The following ATP10B variants were observed in gnomAD, a reference collection of about 807,000 sequenced individuals.
The protein encoded by ATP10B is phospholipid-transporting ATPase VB.
ATP10B carries 122 observed loss-of-function variants against 141.2 expected under a neutral mutation model. The ratio of observed to expected loss-of-function variants is 0.86; its 90% confidence interval spans 0.75 to 1.00. ATP10B has a LOEUF of 1.00. ATP10B is among the 50% of genes least tolerant of loss of function. The probability of loss-of-function intolerance (pLI) is 0.00; values close to 1 mark genes in which losing one functional copy is unlikely to be tolerated. For missense variants in ATP10B, 1,876 were observed against 1,825.3 expected, an observed-to-expected ratio of 1.03 and a Z score of -0.51; for synonymous variants, 685 against 692.0, an observed-to-expected ratio of 0.99 and a Z score of 0.16.
chr5:160,698,268 T>C (rs1365932688), intron 3 of ATP10B, among the ~76,000 whole-genome samples: 1 of 149,000 alleles, frequency 6.7e-6, no homozygotes, highest in African/African-American at 2.6e-5. Context: ...CTTTGACCTC[T>C]CTTTCATTTA....
intron 6 of ATP10B, among the ~76,000 whole-genome samples, chr5:160,675,060 A>G (rs1762937990): frequency 6.6e-6 from 1 of 152,194 alleles, no homozygotes; most frequent in African/African-American, 2.4e-5. Flanking sequence ...TGACTGGCCG[A>G]ATCCTGCTGA....
chr5:160,766,337 AACACAC>A (rs58890049), intron 2 of ATP10B, among the ~76,000 whole-genome samples: 15,010 of 140,276 alleles, frequency 0.11, 1,164 homozygotes, highest in East Asian at 0.37. Flanking sequence ...GGATAAAGAG[AACACAC>A]ACACACACAC....
At chr5:160,815,056 G>A (rs1417192299) in intron 1 of ATP10B, among the ~76,000 whole-genome samples, 4 of 152,242 alleles carry the variant, frequency 2.6e-5, no homozygotes, top group African/African-American at 4.8e-5. Flanking sequence ...GACCATCGAG[G>A]CTAGGAAGAA....
chr5:160,774,715 T>C (rs533052054), intron 2 of ATP10B, among the ~76,000 whole-genome samples: 59 of 152,324 alleles, frequency 3.9e-4, no homozygotes, highest in African/African-American at 1.4e-3. Flanking sequence ...ATCTAGTCTC[T>C]GTATTTTGCT....
the ATP10B span, among the ~76,000 whole-genome samples, chr5:160,859,859 C>T: frequency 6.6e-6 from 1 of 151,728 alleles, no homozygotes; most frequent in African/African-American, 2.4e-5. Context: ...TAAATAATGG[C>T]CTATATGTGC....
intron 1 of ATP10B, among the ~76,000 whole-genome samples, chr5:160,825,504 A>G (rs1214671006): frequency 6.6e-6 from 1 of 152,166 alleles, no homozygotes; most frequent in African/African-American, 2.4e-5. Context: ...AGCATGTGGA[A>G]CTGTGAGTCC....
intron 2 of ATP10B, among the ~76,000 whole-genome samples, chr5:160,758,266 G>GT (rs763151204): frequency 5.9e-5 from 9 of 151,866 alleles, no homozygotes; most frequent in African/African-American, 1.4e-4. Context: ...AGCTTGTGTT[G>GT]TTTTTTTTAA....
intron 3 of ATP10B, among the ~76,000 whole-genome samples, chr5:160,693,955 C>T (rs149200605): frequency 4.5e-4 from 69 of 152,266 alleles, no homozygotes; most frequent in African/African-American, 1.6e-3. Flanking sequence ...GTACATGGAA[C>T]GGGAGACAAA....
chr5:160,750,799 C>T (rs1019451916), intron 2 of ATP10B, among the ~76,000 whole-genome samples: 1 of 152,174 alleles, frequency 6.6e-6, no homozygotes, highest in Non-Finnish European at 1.5e-5. Context: ...GCCCTAAGCC[C>T]TCTCAAGCTC....
chr5:160,834,128 C>A (rs1250242199), intron 1 of ATP10B, among the ~76,000 whole-genome samples: 1 of 151,856 alleles, frequency 6.6e-6, no homozygotes, highest in Non-Finnish European at 1.5e-5. Flanking sequence ...AGTTTGAGAA[C>A]AGCTTGGCCA....
intron 17 of ATP10B, among the ~76,000 whole-genome samples, chr5:160,613,176 A>G (rs1757817492): frequency 6.6e-6 from 1 of 152,204 alleles, no homozygotes; most frequent in Admixed American, 6.5e-5. Context: ...ACACCAGGAG[A>G]CCTGAACTTC....
intron 21 of ATP10B, among the ~76,000 whole-genome samples, chr5:160,601,878 C>A (rs1363503479): frequency 6.6e-6 from 1 of 152,134 alleles, no homozygotes; most frequent in Admixed American, 6.5e-5. Context: ...AAAGAAAGCC[C>A]AGGGGCACTG....
At chr5:160,777,484 T>C (rs1195313274) in intron 2 of ATP10B, among the ~76,000 whole-genome samples, 3 of 152,230 alleles carry the variant, frequency 2.0e-5, no homozygotes, top group Non-Finnish European at 4.4e-5. Context: ...TTCTCTAGTC[T>C]TCCAGCAAAG....
chr5:160,658,794 T>C (rs143918249), intron 7 of ATP10B, among the ~76,000 whole-genome samples: 216 of 152,264 alleles, frequency 1.4e-3, no homozygotes, highest in Non-Finnish European at 2.3e-3. Flanking sequence ...ACAAGAAACA[T>C]AGACAAGAGA....
chr5:160,737,377 C>T (rs1351586397), intron 2 of ATP10B, among the ~76,000 whole-genome samples: 1 of 152,102 alleles, frequency 6.6e-6, no homozygotes, highest in Non-Finnish European at 1.5e-5. Context: ...GACTGTTATT[C>T]AACACAGTCC....
At chr5:160,917,095 C>G in the ATP10B span, among the ~76,000 whole-genome samples, 1 of 152,084 alleles carries the variant, frequency 6.6e-6, no homozygotes, top group African/African-American at 2.4e-5. Flanking sequence ...TCTATAGCAT[C>G]TCTTCTACCT....
chr5:160,776,617 C>T (rs1770344056), intron 2 of ATP10B, among the ~76,000 whole-genome samples: 1 of 152,182 alleles, frequency 6.6e-6, no homozygotes, highest in South Asian at 2.1e-4. Flanking sequence ...GTCCCATACT[C>T]TGTGGATGCT....
At chr5:160,652,588 A>G (rs1343622877) in intron 7 of ATP10B, among the ~76,000 whole-genome samples, 1 of 143,874 alleles carries the variant, frequency 7.0e-6, no homozygotes, top group Non-Finnish European at 1.5e-5. Context: ...CCTCCTGAGT[A>G]GCTGGGACTA....
At chr5:160,887,018 G>A in the ATP10B span, among the ~76,000 whole-genome samples, 2 of 152,206 alleles carry the variant, frequency 1.3e-5, no homozygotes, top group African/African-American at 4.8e-5. Context: ...ACAAGGAAAT[G>A]TCAGCTGATA....
Sources: allele counts gnomAD v4.1 joint callset (sites outside exome capture counted in the v4.1 genomes callset), GRCh38; gene constraint gnomAD v4.1.1; transcripts MANE v1.5; gene names NCBI Gene and HGNC (gene_info 2026-07-23, HGNC 2026-07-21).